PPP1R12B: variants seen among roughly 807,000 people sequenced by gnomAD.
The protein encoded by PPP1R12B is myosin phosphatase target subunit 2.
Under a neutral mutation model 126.1 loss-of-function variants are expected in PPP1R12B, and 76 were observed. The ratio of observed to expected loss-of-function variants is 0.60; its 90% confidence interval spans 0.50 to 0.73. The LOEUF (loss-of-function observed/expected upper bound fraction) is 0.73. Among genes scored for constraint, PPP1R12B ranks in the 30% least tolerant of loss-of-function variants. The pLI, the probability that PPP1R12B is intolerant of heterozygous loss-of-function variation, is 0.00. For missense variants in PPP1R12B, 1,052 were observed against 1,205.1 expected, an observed-to-expected ratio of 0.87 and a Z score of 1.88; for synonymous variants, 356 against 434.7, an observed-to-expected ratio of 0.82 and a Z score of 2.25.
intron 12 of PPP1R12B, among the ~76,000 whole-genome samples, chr1:202,443,726 C>T (rs1044281671): frequency 5.9e-5 from 9 of 152,154 alleles, no homozygotes; most frequent in African/African-American, 2.2e-4. Flanking sequence ...AATCCAAGAT[C>T]AAGAAAACTT....
Position 202,449,132 on chromosome 1 carries a change from C to G in PPP1R12B, c.1811C>G (p.Thr604Ser). ...GVTATPVLSI[T>S]GTDSSVEARE... is the part of the protein sequence containing the mutation. ...ACAGCTACTCCTGTGCTCTCCATTA[C>G]TGGAACAGATTCCTCTGTGGAAGCC... Residue 604 changes from threonine (T) to serine (S), a missense_variant, in exon 13 of 24, where the codon ACT (threonine) becomes AGT (serine). Transcript: ENST00000608999. 1.2e-6 allele frequency: 2 copies of G among 1,613,036 alleles called. No individual in the cohort carries two copies. Among genetic ancestry groups the G allele is most frequent in the Non-Finnish European group, 1.7e-6 (2 of 1,179,408 alleles).
At position 202,495,605 on chromosome 1, in the gene PPP1R12B, A is replaced by G. The variant is rs2148857800; in HGVS notation, c.2371A>G (p.Lys791Glu). The G allele has an allele frequency of 6.2e-7, 1 of 1,614,148 alleles. No homozygotes were observed. Among genetic ancestry groups the G allele is most frequent in the Middle Eastern group, 1.7e-4 (1 of 6,060 alleles). Residue 791 changes from lysine (K) to glutamate (E), a missense_variant, in exon 17 of 24, where the codon AAG (lysine) becomes GAG (glutamate). By Grantham distance (56) the Lys-to-Glu change is moderately conservative. Coordinates refer to ENST00000608999, the MANE Select transcript of PPP1R12B (RefSeq NM_002481.4). ...EEADLDEQSS[K>E]RLSIRERRRP... is the part of the protein sequence containing the mutation. ...AGCAGATTTGGATGAGCAGTCCTCT[A>G]AGAGGCTGTCCATCCGAGAGAGGAG...
At chr1:202,408,719 A>G (rs776083251) in intron 1 of PPP1R12B, among the ~76,000 whole-genome samples, 5 of 151,972 alleles carry the variant, frequency 3.3e-5, no homozygotes, top group Non-Finnish European at 5.9e-5. Context: ...TTACTTATCC[A>G]TTCAGCCATC....
intron 9 of PPP1R12B, among the ~76,000 whole-genome samples, 160 bp downstream of exon 9, chr1:202,434,928 C>T (rs1191376582): frequency 1.3e-5 from 2 of 152,120 alleles, no homozygotes; most frequent in Non-Finnish European, 2.9e-5. Context: ...GTGGCTTAAA[C>T]AACAGACATT....
chr1:202,456,633 G>T (rs1673673898), intron 13 of PPP1R12B, among the ~76,000 whole-genome samples: 1 of 152,216 alleles, frequency 6.6e-6, no homozygotes, highest in Admixed American at 6.5e-5. Flanking sequence ...TTCATGAAAA[G>T]GGTACTTTGC....
intron 2 of PPP1R12B, among the ~76,000 whole-genome samples, chr1:202,417,629 A>C (rs1307219003): frequency 3.3e-5 from 5 of 152,246 alleles, no homozygotes; most frequent in Admixed American, 1.3e-4. Flanking sequence ...GGCAGTCGAA[A>C]CATCTTTAAA....
intron 18 of PPP1R12B, among the ~76,000 whole-genome samples, chr1:202,506,219 C>A (rs1262129168): frequency 6.6e-6 from 1 of 152,222 alleles, no homozygotes; most frequent in African/African-American, 2.4e-5. Flanking sequence ...AGGATCTTTC[C>A]TCTCACTGTA....
In PPP1R12B at chr1:202,437,984, C is replaced by T. The variant is rs1342048907; in HGVS notation, c.1418C>T (p.Ser473Leu). The change falls in exon 10 of 24, where the codon TCA becomes TTA. Residue 473 changes from serine (S) to leucine (L), a missense_variant. Coordinates refer to ENST00000608999, the MANE Select transcript of PPP1R12B (RefSeq NM_002481.4). ...DRGSSIYRSS[S>L]SPRISALLDN... ...GGCTCTTCCATCTATCGCTCCTCTT[C>T]AAGCCCTCGGATTTCTGCTCTACTG... 8 of 1,613,970 alleles carry T rather than the reference C, an allele frequency of 5.0e-6. No individual in the cohort carries two copies. Among genetic ancestry groups the T allele is most frequent in the African/African-American group, 1.3e-5 (1 of 74,894 alleles).
chr1:202,569,948 G>T (rs1218455017), intron 23 of PPP1R12B, among the ~76,000 whole-genome samples: 1 of 152,168 alleles, frequency 6.6e-6, no homozygotes, highest in Non-Finnish European at 1.5e-5. Context: ...GGGGCAGGGG[G>T]AGGGGAGGAG....
chr1:202,574,910 T>C, intron 23 of PPP1R12B: 2 of 1,258,570 alleles, frequency 1.6e-6, no homozygotes, highest in Non-Finnish European at 1.1e-6. Context: ...CAAAAAGTCA[T>C]GTGATTTCTT....
chr1:202,558,527 T>C, intron 18 of PPP1R12B: 1 of 200,262 alleles, frequency 5.0e-6, no homozygotes, highest in Non-Finnish European at 1.0e-5. Context: ...AGAAAGTCAG[T>C]GATAGTCACT....
intron 10 of PPP1R12B, chr1:202,438,277 C>T (rs1383827557): frequency 1.1e-5 from 17 of 1,569,008 alleles, no homozygotes; most frequent in Non-Finnish European, 1.5e-5. Flanking sequence ...CTTCCTTGCC[C>T]CCTTACCTAA....
At chr1:202,573,211 C>T (rs748138620) in intron 23 of PPP1R12B, among the ~76,000 whole-genome samples, 9 of 152,164 alleles carry the variant, frequency 5.9e-5, no homozygotes, top group Non-Finnish European at 1.3e-4. Flanking sequence ...CATGATCTCC[C>T]TCCTCTATCC....
intron 18 of PPP1R12B, among the ~76,000 whole-genome samples, chr1:202,505,265 G>A (rs1391081586): frequency 6.6e-6 from 1 of 152,206 alleles, no homozygotes; most frequent in Non-Finnish European, 1.5e-5. Flanking sequence ...TCTCTGTCAA[G>A]CAAGCAGGCT....
At chr1:202,407,154 A>C (rs1295626111) in intron 1 of PPP1R12B, among the ~76,000 whole-genome samples, 2 of 152,230 alleles carry the variant, frequency 1.3e-5, no homozygotes, top group Admixed American at 1.3e-4. Context: ...GCCAAGTTGT[A>C]AGACAGCTGA....
At chr1:202,431,386 T>C in intron 7 of PPP1R12B, 94 bp from the exon 8 acceptor site, 1 of 1,012,008 alleles carries the variant, frequency 9.9e-7, no homozygotes, top group Middle Eastern at 3.4e-4. Flanking sequence ...TATGTTTCTG[T>C]TATTGCTTCC....
intron 1 of PPP1R12B, among the ~76,000 whole-genome samples, chr1:202,372,809 A>T (rs994387375): frequency 6.6e-6 from 1 of 152,196 alleles, no homozygotes; most frequent in Non-Finnish European, 1.5e-5. Flanking sequence ...AAATAAAAGA[A>T]AAAAGAAAAG....
chr1:202,579,942 G>A (rs1689436446), intron 23 of PPP1R12B, among the ~76,000 whole-genome samples: 1 of 152,208 alleles, frequency 6.6e-6, no homozygotes, highest in Non-Finnish European at 1.5e-5. Flanking sequence ...ACCAAGTGGA[G>A]GATGCTTAAA....
At chr1:202,413,737 T>G (rs1427587229) in intron 1 of PPP1R12B, among the ~76,000 whole-genome samples, 2 of 152,210 alleles carry the variant, frequency 1.3e-5, no homozygotes, top group African/African-American at 4.8e-5. Context: ...GTGATATTGT[T>G]TTACATTTTT....
Sources: allele counts gnomAD v4.1 joint callset (sites outside exome capture counted in the v4.1 genomes callset), GRCh38; gene constraint gnomAD v4.1.1; transcripts MANE v1.5; gene names NCBI Gene and HGNC (gene_info 2026-07-23, HGNC 2026-07-21).